Variants in ADAM20 observed in about 807,000 individuals in gnomAD.
ADAM20 encodes disintegrin and metalloproteinase domain-containing protein 20.
For missense variants in ADAM20, 871 were observed against 883.2 expected (o/e 0.99, Z 0.18); for synonymous variants, 305 against 310.2 (o/e 0.98, Z 0.18).
upstream of ADAM20, among the ~76,000 whole-genome samples, chr14:70,538,747 CT>C (rs1414621379): frequency 1.3e-5 from 2 of 152,212 alleles, no homozygotes; most frequent in East Asian, 3.8e-4. Flanking sequence ...TCATCTTTGT[CT>C]TCCAGCTATA....
chr14:70,559,278 GAAAA>G, the ADAM20 span, among the ~76,000 whole-genome samples: 9 of 133,312 alleles, frequency 6.8e-5, no homozygotes, highest in African/African-American at 2.2e-4. Context: ...AAGTTGCCTA[GAAAA>G]AAAAAAAAGC....
upstream of ADAM20, among the ~76,000 whole-genome samples, chr14:70,535,899 T>A (rs1298650323): frequency 6.6e-6 from 1 of 152,100 alleles, no homozygotes; most frequent in Non-Finnish European, 1.5e-5. Flanking sequence ...TCAAAATATA[T>A]AAACGAAATT....
Position 70,524,575 on chromosome 14 carries a change from G to A in ADAM20, c.183C>T (p.Leu61=). ...RGRGAKAPGW[L]SYSLRFGGQR... The stretch of plus-strand genomic sequence containing the variant: ...GTCCCCCAAACCGCAGGCTATAGGA[G>A]AGCCATCCAGGAGCCTTTGCACCTC... Residue 61 remains leucine, a synonymous_variant, in exon 2 of 2, where the codon CTC becomes CTT. Coordinates refer to ENST00000256389, the MANE Select transcript of ADAM20 (RefSeq NM_003814.5). The A allele has an allele frequency of 6.2e-7, 1 of 1,613,964 alleles. No homozygotes were observed. Among genetic ancestry groups the A allele is most frequent in the Non-Finnish European group, 8.5e-7 (1 of 1,179,954 alleles).
chr14:70,561,777 C>T, the ADAM20 span, among the ~76,000 whole-genome samples: 1 of 152,236 alleles, frequency 6.6e-6, no homozygotes, highest in African/African-American at 2.4e-5. Flanking sequence ...GCAGCTTCCA[C>T]ATGGTGTTGG....
the ADAM20 span, among the ~76,000 whole-genome samples, chr14:70,570,391 G>T: frequency 6.6e-6 from 1 of 151,688 alleles, no homozygotes; most frequent in African/African-American, 2.4e-5. Context: ...GATTACTCAA[G>T]AAAAAAACGA....
the ADAM20 span, among the ~76,000 whole-genome samples, chr14:70,563,315 G>C: frequency 6.6e-6 from 1 of 152,148 alleles, no homozygotes; most frequent in Non-Finnish European, 1.5e-5. Context: ...GCAAGCAGGG[G>C]AGAGAGACAT....
the ADAM20 span, among the ~76,000 whole-genome samples, chr14:70,553,306 TAATA>T: frequency 9.8e-5 from 1 of 10,172 alleles, no homozygotes; most frequent in South Asian, 2.5e-3. Flanking sequence ...ACTTAGAGTA[TAATA>T]AAAAAAAAAA....
upstream of ADAM20, among the ~76,000 whole-genome samples, chr14:70,536,475 A>AAAAAAAAAAAAAAC: frequency 1.1e-5 from 1 of 91,428 alleles, no homozygotes; most frequent in African/African-American, 4.4e-5. Context: ...CAAAAAAAAA[A>AAAAAAAAAAAAAAC]AAAAAAAAAA....
At chr14:70,538,496 C>G (rs1354459771), upstream of ADAM20, among the ~76,000 whole-genome samples, 1 of 152,162 alleles carries the variant, frequency 6.6e-6, no homozygotes, top group Non-Finnish European at 1.5e-5. Flanking sequence ...TTCAAAAGGC[C>G]TTTATGTTTT....
the ADAM20 span, among the ~76,000 whole-genome samples, chr14:70,564,296 C>T: frequency 1.3e-5 from 2 of 152,210 alleles, no homozygotes; most frequent in African/African-American, 4.8e-5. Context: ...ACTTTCAGTG[C>T]ATTTCCAAGG....
At chr14:70,546,769 C>G in the ADAM20 span, among the ~76,000 whole-genome samples, 1 of 151,790 alleles carries the variant, frequency 6.6e-6, no homozygotes, top group African/African-American at 2.4e-5. Context: ...CAACAGCAAA[C>G]CAAACCCCAA....
the ADAM20 span, among the ~76,000 whole-genome samples, chr14:70,562,415 T>A: frequency 6.6e-6 from 1 of 152,214 alleles, no homozygotes; most frequent in Admixed American, 6.5e-5. Flanking sequence ...GACTTTGGAT[T>A]GTGGACTTTT....
intron 1 of ADAM20, among the ~76,000 whole-genome samples, chr14:70,527,160 A>C (rs1456740692): frequency 6.6e-6 from 1 of 152,174 alleles, no homozygotes; most frequent in African/African-American, 2.4e-5. Flanking sequence ...AAATAATGAA[A>C]ATGAAAGATT....
the ADAM20 span, chr14:70,557,030 AAGG>A: frequency 2.0e-5 from 3 of 152,192 alleles, no homozygotes; most frequent in African/African-American, 7.2e-5. Flanking sequence ...ATTAATATAC[AAGG>A]AGATCATTTC....
Position 70,523,755 on chromosome 14 carries a change from C to T in ADAM20, c.1003G>A (p.Val335Ile), listed in dbSNP as rs369142512. 5.4e-5 allele frequency: 87 copies of T among 1,613,928 alleles called. No homozygotes were observed. The highest frequency in any genetic ancestry group is 2.2e-4 in the East Asian group (10 of 44,890). ...VDVFEDNRLV[V>I]FAITLGHELG... ...TCGTGGCCCAAAGTAATTGCAAAAA[C>T]GACCAACCTGTTGTCTTCAAAAACA... The change falls in exon 2 of 2, where the codon GTT becomes ATT. Residue 335 changes from valine to isoleucine, a missense_variant. Val to Ile is a conservative substitution (Grantham distance 29). Coordinates refer to ENST00000256389, the MANE Select transcript of ADAM20 (RefSeq NM_003814.5).
intron 1 of ADAM20, among the ~76,000 whole-genome samples, chr14:70,529,872 T>C (rs543073279): frequency 6.6e-6 from 1 of 152,358 alleles, no homozygotes; most frequent in East Asian, 1.9e-4. Flanking sequence ...TAATAATAAA[T>C]TAAACTTAGC....
At chr14:70,562,796 A>C in the ADAM20 span, among the ~76,000 whole-genome samples, 6 of 152,164 alleles carry the variant, frequency 3.9e-5, no homozygotes, top group African/African-American at 1.4e-4. Context: ...CTTCCTGTTA[A>C]GCCTGTGGAA....
At chr14:70,553,542 A>AAC in the ADAM20 span, among the ~76,000 whole-genome samples, 1 of 149,386 alleles carries the variant, frequency 6.7e-6, no homozygotes, top group Non-Finnish European at 1.5e-5. Flanking sequence ...AAAAAAAAAA[A>AAC]AAAAAACTAG....
chr14:70,553,539 A>AC, the ADAM20 span, among the ~76,000 whole-genome samples: 1 of 149,242 alleles, frequency 6.7e-6, no homozygotes, highest in South Asian at 2.1e-4. Flanking sequence ...AAAAAAAAAA[A>AC]AAAAAAAAAC....
Sources: gnomAD v4.1 joint callset for allele counts (sites outside exome capture counted in the v4.1 genomes callset) on GRCh38, gnomAD v4.1.1 for gene constraint, MANE v1.5 for transcripts, NCBI Gene and HGNC (gene_info 2026-07-23, HGNC 2026-07-21) for gene names.